DAB1: variants seen among roughly 807,000 people sequenced by gnomAD.
DAB1 encodes the protein DAB adaptor protein 1, also known as disabled homolog 1.
Under a neutral mutation model 64.6 loss-of-function variants are expected in DAB1, and 15 were observed. The ratio of observed to expected loss-of-function variants is 0.23; its 90% CI spans 0.16 to 0.36. The LOEUF (loss-of-function observed/expected upper bound fraction) is 0.36, where lower values mean the gene tolerates loss of function less well. DAB1 is among the 10% of genes least tolerant of loss of function. The pLI is 1.00. For missense variants in DAB1, 596 were observed against 706.7 expected (o/e 0.84, Z 1.78); for synonymous variants, 235 against 251.9 (o/e 0.93, Z 0.64).
chr1:57,170,035 C>T (rs1368618196), intron 2 of DAB1, among the ~76,000 whole-genome samples: 4 of 150,878 alleles, frequency 2.7e-5, no homozygotes, highest in East Asian at 3.9e-4. Context: ...CTCACTCTGT[C>T]ACCCAGGCTG....
At chr1:57,013,623 G>GT (rs916148091) in intron 12 of DAB1, among the ~76,000 whole-genome samples, 132 of 151,104 alleles carry the variant, frequency 8.7e-4, no homozygotes, top group Middle Eastern at 3.4e-3. Flanking sequence ...CATTAGGGGT[G>GT]TTTTTTTTTG....
chr1:57,277,401 C>A (rs1671552802), intron 2 of DAB1, among the ~76,000 whole-genome samples: 2 of 152,036 alleles, frequency 1.3e-5, no homozygotes, highest in Admixed American at 1.3e-4. Flanking sequence ...ACATATATAT[C>A]ATGTATCTTC....
chr1:57,655,865 C>T (rs1646312572), intron 6 of DAB1, among the ~76,000 whole-genome samples: 2 of 152,148 alleles, frequency 1.3e-5, no homozygotes, highest in Non-Finnish European at 2.9e-5. Flanking sequence ...ACCTCTACCC[C>T]TAATGAGGTA....
At chr1:57,446,404 C>A (rs905659578) in intron 7 of DAB1, among the ~76,000 whole-genome samples, 1 of 151,954 alleles carries the variant, frequency 6.6e-6, no homozygotes, top group Admixed American at 6.6e-5. Flanking sequence ...TCGAGACCAG[C>A]CTCACCCACA....
intron 3 of DAB1, among the ~76,000 whole-genome samples, chr1:58,447,298 T>C (rs745814008): frequency 3.9e-5 from 6 of 152,124 alleles, no homozygotes; most frequent in Non-Finnish European, 5.9e-5. Context: ...TCAAAGTACA[T>C]TTAAAGTTGT....
intron 3 of DAB1, among the ~76,000 whole-genome samples, chr1:58,350,793 T>C (rs1265397105): frequency 6.6e-6 from 1 of 152,192 alleles, no homozygotes; most frequent in Non-Finnish European, 1.5e-5. Flanking sequence ...TTCTGAGGCC[T>C]CTGTTCTGTT....
At chr1:58,153,647 G>A (rs933957451) in intron 4 of DAB1, among the ~76,000 whole-genome samples, 1 of 152,010 alleles carries the variant, frequency 6.6e-6, no homozygotes, top group Non-Finnish European at 1.5e-5. Flanking sequence ...TGGGGTGATT[G>A]TTACATTTCT....
intron 1 of DAB1, chr1:57,880,987 A>G (rs1040099768): frequency 6.6e-6 from 1 of 152,220 alleles, no homozygotes; most frequent in African/African-American, 2.4e-5. Context: ...TCTTTGAAAT[A>G]AGAAGAATGG....
At chr1:57,850,678 C>T (rs972537106) in intron 1 of DAB1, among the ~76,000 whole-genome samples, 5 of 152,164 alleles carry the variant, frequency 3.3e-5, no homozygotes, top group Non-Finnish European at 7.3e-5. Flanking sequence ...GGACCCCTTC[C>T]ATCTTATGTG....
chr1:57,860,759 A>T (rs964996732), intron 1 of DAB1: 1 of 152,248 alleles, frequency 6.6e-6, no homozygotes, highest in African/African-American at 2.4e-5. Context: ...AAATGGGGAC[A>T]TTCCATCCTG....
At chr1:57,981,609 T>G (rs997973861) in intron 5 of DAB1, among the ~76,000 whole-genome samples, 9 of 152,178 alleles carry the variant, frequency 5.9e-5, no homozygotes, top group Non-Finnish European at 1.0e-4. Context: ...GGTTGTAATC[T>G]TTCAATATCC....
intron 1 of DAB1, among the ~76,000 whole-genome samples, chr1:58,540,289 A>G (rs1646586571): frequency 6.6e-6 from 1 of 152,120 alleles, no homozygotes; most frequent in Admixed American, 6.5e-5. Context: ...CAGGAAAAAA[A>G]AAAAATCTAA....
chr1:58,539,462 G>A (rs778163072), intron 1 of DAB1, among the ~76,000 whole-genome samples: 2 of 152,102 alleles, frequency 1.3e-5, no homozygotes, highest in Non-Finnish European at 2.9e-5. Context: ...CTAGAGCAAC[G>A]CCTTTCAGCA....
At chr1:57,543,042 T>C (rs1355972020) in intron 7 of DAB1, among the ~76,000 whole-genome samples, 1 of 152,152 alleles carries the variant, frequency 6.6e-6, no homozygotes, top group Admixed American at 6.5e-5. Flanking sequence ...GCATATCCTT[T>C]AGCCTGGTCA....
At chr1:57,107,171 T>A (rs1188557945) in intron 4 of DAB1, among the ~76,000 whole-genome samples, 1 of 151,846 alleles carries the variant, frequency 6.6e-6, no homozygotes, top group Non-Finnish European at 1.5e-5. Flanking sequence ...GGTCAGGAGT[T>A]CAAGACCAGC....
At chr1:57,474,666 T>A (rs1426585941) in intron 7 of DAB1, among the ~76,000 whole-genome samples, 3 of 152,180 alleles carry the variant, frequency 2.0e-5, no homozygotes, top group African/African-American at 7.2e-5. Context: ...TATAAAGAAA[T>A]TTCACAGTTG....
At chr1:57,238,039 C>T (rs531043116) in intron 2 of DAB1, among the ~76,000 whole-genome samples, 5 of 152,196 alleles carry the variant, frequency 3.3e-5, no homozygotes, top group Admixed American at 2.0e-4. Flanking sequence ...GTGCTGAATA[C>T]TGGGTGGAGG....
Position 58,070,345 on chromosome 1 carries a change from G to A in DAB1, n.387+80166C>T, listed in dbSNP as rs1351392035. On this transcript the variant is annotated intron_variant and non_coding_transcript_variant, in intron 5 of 20. Coordinates refer to the DAB1 transcript ENST00000485760. ...TCTACTGTGTGCCAGACATCATGCTGGCAAAGATGTCACACAGTACATGGA... is the reference window on the plus strand; with the variant it reads ...TCTACTGTGTGCCAGACATCATGCTAGCAAAGATGTCACACAGTACATGGA... 3.9e-5 allele frequency among the ~76,000 whole-genome samples: 6 copies of A among 152,244 alleles called. No individual in the cohort carries two copies. The East Asian group carries it at 1.2e-3, about 29-fold the overall frequency.
chr1:58,370,721 G>GTTTCCCCC (rs982939232), intron 3 of DAB1, among the ~76,000 whole-genome samples: 1 of 152,156 alleles, frequency 6.6e-6, no homozygotes, highest in African/African-American at 2.4e-5. Context: ...TCATGGGGCA[G>GTTTCCCCC]TTTCCCCCAT....
Sources: gnomAD v4.1 joint callset for allele counts (sites outside exome capture counted in the v4.1 genomes callset) on GRCh38, gnomAD v4.1.1 for gene constraint, MANE v1.5 for transcripts, NCBI Gene and HGNC (gene_info 2026-07-23, HGNC 2026-07-21) for gene names.